XYLT1: variants seen among roughly 807,000 people sequenced by gnomAD.
XYLT1 encodes xylosyltransferase 1.
A neutral mutation model predicts 91.3 loss-of-function variants in XYLT1; 36 were observed. The ratio of observed to expected loss-of-function variants is 0.39; its 90% CI spans 0.30 to 0.52. The LOEUF (loss-of-function observed/expected upper bound fraction) is 0.52, where lower values mean the gene tolerates loss of function less well. Among genes scored for constraint, XYLT1 ranks in the 20% least tolerant of loss-of-function variants. The probability of loss-of-function intolerance (pLI) is 0.68; values close to 1 mark genes in which losing one functional copy is unlikely to be tolerated. For missense variants in XYLT1, 1,242 were observed against 1,284.5 expected, an observed-to-expected ratio of 0.97 and a Z score of 0.51; for synonymous variants, 588 against 532.0, an observed-to-expected ratio of 1.11 and a Z score of -1.45.
rs184450956 is a variant in XYLT1, at chr16:17,338,331, A to T, written c.402+19681T>A. On this transcript the variant is annotated intron_variant, in intron 2 of 11. Transcript: ENST00000261381. ...TACACGATACATCTGAAGCTCCCTG[A>T]TGTGGTCTACAGTACCTGGGCCTGT... 181 of 456,414 alleles carry T rather than the reference A, an allele frequency of 4.0e-4. 1 individual carries two copies. Among genetic ancestry groups the T allele is most frequent in the Non-Finnish European group, 6.0e-4 (135 of 226,780 alleles). The allele number at this position is 456,414 out of a possible 1,614,324, so 28.3% of individuals were successfully genotyped here.
intron 1 of XYLT1, among the ~76,000 whole-genome samples, chr16:17,398,740 T>C (rs1041459097): frequency 4.0e-5 from 6 of 151,504 alleles, no homozygotes; most frequent in Non-Finnish European, 7.4e-5. Flanking sequence ...CCTTCGCTTG[T>C]AGATACATCA....
chr16:17,367,519 C>T (rs1349553770), intron 1 of XYLT1, among the ~76,000 whole-genome samples: 2 of 152,234 alleles, frequency 1.3e-5, no homozygotes, highest in Non-Finnish European at 2.9e-5. Context: ...GGAACCAATA[C>T]TGCCAAGTGT....
intron 2 of XYLT1, among the ~76,000 whole-genome samples, chr16:17,340,329 C>T (rs971810735): frequency 6.6e-6 from 1 of 152,252 alleles, no homozygotes; most frequent in Non-Finnish European, 1.5e-5. Flanking sequence ...GGGCATGTCA[C>T]AGAATGTGCC....
At chr16:17,349,960 G>A (rs1353144250) in intron 2 of XYLT1, among the ~76,000 whole-genome samples, 1 of 151,700 alleles carries the variant, frequency 6.6e-6, no homozygotes. Context: ...TGCAAGCTCC[G>A]CCTCCCGGGT....
At chr16:17,200,095 C>A (rs567834900) in intron 4 of XYLT1, among the ~76,000 whole-genome samples, 14 of 152,070 alleles carry the variant, frequency 9.2e-5, no homozygotes, top group Admixed American at 5.9e-4. Context: ...GTGGCATGCA[C>A]CTGTAGTCCC....
intron 5 of XYLT1, among the ~76,000 whole-genome samples, chr16:17,197,449 T>C (rs2032452066): frequency 6.6e-6 from 1 of 152,206 alleles, no homozygotes; most frequent in Non-Finnish European, 1.5e-5. Context: ...GAATGGAAGC[T>C]TGTGATGGTT....
intron 2 of XYLT1, among the ~76,000 whole-genome samples, chr16:17,321,981 A>G (rs894444335): frequency 6.6e-6 from 1 of 152,158 alleles, no homozygotes; most frequent in African/African-American, 2.4e-5. Flanking sequence ...GGAACTTATC[A>G]TCACTGAGTT....
At chr16:17,373,063 C>CA (rs2035556304) in intron 1 of XYLT1, among the ~76,000 whole-genome samples, 1 of 152,162 alleles carries the variant, frequency 6.6e-6, no homozygotes, top group Non-Finnish European at 1.5e-5. Context: ...TGCCTGTTAG[C>CA]AATACATTCT....
At chr16:17,341,120 C>T (rs572446652) in intron 2 of XYLT1, among the ~76,000 whole-genome samples, 1 of 152,240 alleles carries the variant, frequency 6.6e-6, no homozygotes, top group East Asian at 1.9e-4. Flanking sequence ...CCCTTTGAGC[C>T]AGTGATGTTA....
At chr16:17,465,216 C>A (rs2036877042) in intron 1 of XYLT1, among the ~76,000 whole-genome samples, 1 of 144,094 alleles carries the variant, frequency 6.9e-6, no homozygotes, top group Non-Finnish European at 1.5e-5. Context: ...TTCAACAAAC[C>A]ATGCAAAAGG....
Position 17,298,038 on chromosome 16 carries a change from A to T in XYLT1, c.403-38540T>A, listed in dbSNP as rs868251751. ...CCGTCTCAAAAAAAAAAAAAAAATTATTCCTGCCGAGGGAGCCAGTGTTAA... is the reference window on the plus strand; with the variant it reads ...CCGTCTCAAAAAAAAAAAAAAAATTTTTCCTGCCGAGGGAGCCAGTGTTAA... On this transcript the variant is annotated intron_variant, in intron 2 of 11. Transcript: ENST00000261381. 4.4e-4 allele frequency among the ~76,000 whole-genome samples: 67 copies of T among 151,848 alleles called. No individual in the cohort carries two copies. The Middle Eastern group carries it at 0.01, about 23-fold the overall frequency.
rs981697236 is a variant in XYLT1 at position 17,448,678 on chromosome 16, G to C, written c.363+21756C>G. 5.9e-5 allele frequency among the ~76,000 whole-genome samples: 8 copies of C among 135,986 alleles called. No individual in the cohort carries two copies. In the South Asian group the frequency reaches 7.2e-4, roughly 12 times the overall value. 89.2% of individuals were successfully genotyped at this position (135,986 alleles called of 152,430 possible). A position where few individuals can be genotyped will look rare whatever the true frequency, so the allele number is the denominator to read the frequency against. On this transcript the variant is annotated intron_variant, in intron 1 of 11. Transcript: ENST00000261381. ...TAATAATAATGGAAGATGAGGGTGA[G>C]GGGAGGTGGAGGGGGGAGGAGGAAG...
intron 5 of XYLT1, among the ~76,000 whole-genome samples, chr16:17,197,538 G>A (rs1440988138): frequency 6.6e-6 from 1 of 152,172 alleles, no homozygotes; most frequent in Admixed American, 6.6e-5. Flanking sequence ...GTTGCCAAAG[G>A]AGATTAACAT....
chr16:17,131,764 C>T (rs1234537989), intron 9 of XYLT1, among the ~76,000 whole-genome samples: 11 of 152,204 alleles, frequency 7.2e-5, no homozygotes, highest in Admixed American at 6.5e-4. Flanking sequence ...CACAATTTGC[C>T]TAAAATACCC....
chr16:17,349,124 C>T (rs950838347), intron 2 of XYLT1, among the ~76,000 whole-genome samples: 6 of 152,170 alleles, frequency 3.9e-5, no homozygotes, highest in African/African-American at 1.2e-4. Flanking sequence ...CTGTGCTCAC[C>T]GTCTGCAGGG....
At chr16:17,367,243 C>G (rs930695004) in intron 1 of XYLT1, among the ~76,000 whole-genome samples, 3 of 152,252 alleles carry the variant, frequency 2.0e-5, no homozygotes, top group African/African-American at 7.2e-5. Context: ...GCATCTCAGA[C>G]CATAAACAAG....
chr16:17,151,876 G>T (rs2031292508), intron 6 of XYLT1, among the ~76,000 whole-genome samples: 2 of 152,146 alleles, frequency 1.3e-5, no homozygotes, highest in Admixed American at 6.5e-5. Flanking sequence ...CCCAAGGAGG[G>T]CAGAAAAAGA....
chr16:17,401,570 C>T (rs1324164875), intron 1 of XYLT1, among the ~76,000 whole-genome samples: 1 of 152,148 alleles, frequency 6.6e-6, no homozygotes, highest in Non-Finnish European at 1.5e-5. Flanking sequence ...CTCTCTTTGT[C>T]TCTGTTCCTA....
intron 3 of XYLT1, among the ~76,000 whole-genome samples, chr16:17,207,806 G>A (rs73523109): frequency 0.17 from 25,269 of 151,814 alleles, 2,269 homozygotes; most frequent in South Asian, 0.27. Context: ...AGAGAGGGGT[G>A]GAGGGGATGT....
Sources: gnomAD v4.1 joint callset for allele counts (sites outside exome capture counted in the v4.1 genomes callset) on GRCh38, gnomAD v4.1.1 for gene constraint, MANE v1.5 for transcripts, NCBI Gene and HGNC (gene_info 2026-07-23, HGNC 2026-07-21) for gene names.